SP140: variants seen among roughly 807,000 people sequenced by gnomAD.
SP140 encodes the protein SP140 nuclear body protein.
Under a neutral mutation model 125.0 loss-of-function variants are expected in SP140, and 81 were observed. The ratio of observed to expected loss-of-function variants is 0.65; its 90% CI spans 0.54 to 0.78. The LOEUF (loss-of-function observed/expected upper bound fraction) is 0.78, where lower values mean the gene tolerates loss of function less well. Ranked by LOEUF, SP140 falls within the 30% of genes least tolerant of loss-of-function variation. The pLI is 0.00. For synonymous variants in SP140, 312 were observed against 354.0 expected, an observed-to-expected ratio of 0.88 and a Z score of 1.33; for missense variants, 858 against 1,037.0, an observed-to-expected ratio of 0.83 and a Z score of 2.37.
At chr2:230,257,431 G>GAT (rs2051417529) in intron 12 of SP140, among the ~76,000 whole-genome samples, 1 of 152,108 alleles carries the variant, frequency 6.6e-6, no homozygotes, top group Non-Finnish European at 1.5e-5. Context: ...AAGAACCATA[G>GAT]ATGCCGTCAT....
intron 15 of SP140, 149 bp from the exon 16 acceptor site, chr2:230,284,197 C>A: frequency 3.0e-6 from 2 of 659,092 alleles, no homozygotes; most frequent in South Asian, 4.7e-5. Context: ...TGTACTCAAC[C>A]TCCACGCTGC....
At chr2:230,276,749 A>G (rs2054770893) in intron 15 of SP140, among the ~76,000 whole-genome samples, 1 of 152,232 alleles carries the variant, frequency 6.6e-6, no homozygotes, top group Admixed American at 6.5e-5. Flanking sequence ...ACCATTTTAC[A>G]TGCCATAATA....
chr2:230,253,253 C>T (rs1027008662), intron 10 of SP140, 63 bp from the exon 11 acceptor site: 1 of 1,202,262 alleles, frequency 8.3e-7, no homozygotes, highest in Non-Finnish European at 1.2e-6. Context: ...TTAGCATTTT[C>T]CCATCTTGGA....
At chr2:230,262,000 A>G (rs59786244) in intron 12 of SP140, among the ~76,000 whole-genome samples, 2,676 of 152,180 alleles carry the variant, frequency 0.018, 100 homozygotes, top group African/African-American at 0.061. Context: ...TTCTTTCTCT[A>G]TCTTGTGGAA....
chr2:230,294,888 G>C (rs1255576997), intron 21 of SP140, among the ~76,000 whole-genome samples: 1 of 152,186 alleles, frequency 6.6e-6, no homozygotes, highest in Non-Finnish European at 1.5e-5. Context: ...CAGACACACA[G>C]AATGTCTTCT....
chr2:230,294,300 A>G lies in SP140; in HGVS notation c.1998A>G (p.Ile666Met), dbSNP rs912076378. Residue 666 changes from isoleucine to methionine, a missense_variant, in exon 21 of 27, where the codon ATA (isoleucine) becomes ATG (methionine). Ile to Met is a conservative substitution (Grantham distance 10, BLOSUM62 1). Around this residue, in one of 4 missense-constraint regions of SP140, gnomAD observed 791 missense variants for 869.5 expected, o/e 0.91. Coordinates refer to ENST00000392045, the MANE Select transcript of SP140 (RefSeq NM_007237.5). ...ENGFLPDPPR[I>M]RYRKKKRILK... ...GATTTCTGCCTGATCCTCCAAGAATACGTTACAGGAAAAAAAAGGTGATTA... is the reference window on the plus strand; with the variant it reads ...GATTTCTGCCTGATCCTCCAAGAATGCGTTACAGGAAAAAAAAGGTGATTA... 1.9e-6 allele frequency: 3 copies of G among 1,612,466 alleles called. No homozygotes were observed. The highest frequency in any genetic ancestry group is 1.7e-5 in the Admixed American group (1 of 60,008).
intron 8 of SP140, 60 bp from the exon 9 acceptor site, chr2:230,248,825 A>G (rs1187432938): frequency 1.5e-6 from 2 of 1,377,228 alleles, no homozygotes; most frequent in Non-Finnish European, 1.0e-6. Flanking sequence ...TGGCATGAAC[A>G]CACTGAGGCC....
chr2:230,252,124 G>A (rs924076439), intron 10 of SP140, among the ~76,000 whole-genome samples: 1 of 151,854 alleles, frequency 6.6e-6, no homozygotes, highest in Non-Finnish European at 1.5e-5. Context: ...AAAAATTATT[G>A]AGAGTTAGAA....
intron 15 of SP140, among the ~76,000 whole-genome samples, chr2:230,282,235 A>T (rs1411946654): frequency 6.6e-6 from 1 of 152,164 alleles, no homozygotes; most frequent in Non-Finnish European, 1.5e-5. Context: ...AAGGAGGGAG[A>T]TGTTCTCTAC....
chr2:230,249,396 T>C (rs1234861732), intron 9 of SP140, among the ~76,000 whole-genome samples: 2 of 152,158 alleles, frequency 1.3e-5, no homozygotes, highest in Non-Finnish European at 1.5e-5. Context: ...AGGAAAGTCA[T>C]GCAGGAGACC....
intron 16 of SP140, among the ~76,000 whole-genome samples, chr2:230,285,070 G>A (rs746423560): frequency 6.6e-6 from 1 of 152,120 alleles, no homozygotes; most frequent in African/African-American, 2.4e-5. Flanking sequence ...GAAAAGACTA[G>A]GAGAATATTT....
downstream of SP140, among the ~76,000 whole-genome samples, chr2:230,315,524 T>C (rs1229304209): frequency 6.6e-6 from 1 of 152,110 alleles, no homozygotes; most frequent in East Asian, 1.9e-4. Flanking sequence ...GTTTCCCCTC[T>C]TCCTGAATGT....
upstream of SP140, among the ~76,000 whole-genome samples, chr2:230,222,001 G>A (rs868841168): frequency 1.3e-5 from 2 of 152,210 alleles, no homozygotes; most frequent in African/African-American, 2.4e-5. Flanking sequence ...GCTGAGGCAG[G>A]CAGATCACTT....
At chr2:230,278,924 C>T (rs538011058) in intron 15 of SP140, among the ~76,000 whole-genome samples, 8 of 152,134 alleles carry the variant, frequency 5.3e-5, no homozygotes, top group African/African-American at 1.9e-4. Context: ...GTGACATGAT[C>T]TTCTATGTAG....
At chr2:230,249,036 T>C (rs931870198) in intron 9 of SP140, 68 bp downstream of exon 9, 4 of 1,265,006 alleles carry the variant, frequency 3.2e-6, no homozygotes, top group Admixed American at 1.8e-5. Context: ...GGAAAAAAAG[T>C]TTCCCTTTCT....
chr2:230,243,120 A>G (rs934640665), intron 4 of SP140, among the ~76,000 whole-genome samples: 1 of 152,180 alleles, frequency 6.6e-6, no homozygotes, highest in East Asian at 1.9e-4. Context: ...AGGTGGAATA[A>G]AATTTCCCCC....
chr2:230,305,936 A>T (rs1253551935), intron 22 of SP140, among the ~76,000 whole-genome samples: 2 of 152,220 alleles, frequency 1.3e-5, no homozygotes, highest in Non-Finnish European at 2.9e-5. Flanking sequence ...GGTTTCCCCC[A>T]GGCAGGGTCA....
At chr2:230,218,608 G>A (rs1014698782) in intron 3 of SP140, among the ~76,000 whole-genome samples, 7 of 152,152 alleles carry the variant, frequency 4.6e-5, no homozygotes, top group African/African-American at 1.7e-4. Context: ...AGAACAGGAA[G>A]TCTAGAGCTT....
intron 16 of SP140, 27 bp downstream of exon 16, chr2:230,284,438 A>G (rs374438747): frequency 1.9e-6 from 3 of 1,587,586 alleles, no homozygotes; most frequent in Non-Finnish European, 2.6e-6. Context: ...AAGTAGTTAC[A>G]GCTTTTGAGT....
Sources: allele counts gnomAD v4.1 joint callset (sites outside exome capture counted in the v4.1 genomes callset), GRCh38; gene constraint gnomAD v4.1.1; regional missense constraint gnomAD v4.1.1; transcripts MANE v1.5; gene names NCBI Gene and HGNC (gene_info 2026-07-23, HGNC 2026-07-21).